Variants in ARHGEF11 observed in about 807,000 individuals in gnomAD.
The protein encoded by ARHGEF11 is Rho guanine nucleotide exchange factor 11.
In ARHGEF11, 55 loss-of-function variants were observed where a neutral mutation model predicts 193.7. That is an observed-to-expected ratio of 0.28 (90% confidence interval 0.23 to 0.36). The LOEUF (loss-of-function observed/expected upper bound fraction) is 0.36. Among genes scored for constraint, ARHGEF11 ranks in the 10% least tolerant of loss-of-function variants. The pLI, the probability that ARHGEF11 is intolerant of heterozygous loss-of-function variation, is 1.00. For missense variants in ARHGEF11, 1,723 were observed against 2,005.6 expected, an observed-to-expected ratio of 0.86 and a Z score of 2.69; for synonymous variants, 693 against 768.0, an observed-to-expected ratio of 0.90 and a Z score of 1.62.
At chr1:157,012,393 A>T (rs1309619002) in intron 1 of ARHGEF11, among the ~76,000 whole-genome samples, 1 of 152,170 alleles carries the variant, frequency 6.6e-6, no homozygotes, top group African/African-American at 2.4e-5. Flanking sequence ...AAAAATTCTA[A>T]AACTAGGATG....
intron 1 of ARHGEF11, among the ~76,000 whole-genome samples, chr1:157,035,882 AATATATATAGGAATATATATATATGAAT>A (rs1557990726): frequency 1.4e-5 from 2 of 139,382 alleles, no homozygotes; most frequent in East Asian, 4.0e-4. Flanking sequence ...TATATATAGG[AATATATATAGGAATATATATATATGAAT>A]CTATATATAG....
At chr1:156,998,159 G>C (rs1243234670) in intron 1 of ARHGEF11, among the ~76,000 whole-genome samples, 1 of 152,174 alleles carries the variant, frequency 6.6e-6, no homozygotes, top group Non-Finnish European at 1.5e-5. Context: ...AGGCACAACT[G>C]TCTCCCAGAA....
chr1:156,943,846 T>C (rs930563849), intron 32 of ARHGEF11, 89 bp downstream of exon 32: 1 of 1,483,672 alleles, frequency 6.7e-7, no homozygotes, highest in Non-Finnish European at 9.1e-7. Context: ...GTAGGTCCTG[T>C]AAAGGCTCCA....
intron 1 of ARHGEF11, among the ~76,000 whole-genome samples, chr1:157,016,103 T>C (rs16837963): frequency 0.028 from 4,282 of 152,154 alleles, 72 homozygotes; most frequent in South Asian, 0.054. Context: ...CAATCACAAA[T>C]AAGACCTAAA....
Position 156,943,289 on chromosome 1 carries a change from G to A in ARHGEF11, c.3236-509C>T, listed in dbSNP as rs571980127. ...TTGGCCAGGCTGGTCTTGAACTCCT[G>A]ACCTCAAGTGATCTGAGTGCCTCGG... On this transcript the variant is annotated intron_variant, in intron 32 of 40. Coordinates refer to ENST00000368194, the MANE Select transcript of ARHGEF11 (RefSeq NM_198236.3). Among the ~76,000 whole-genome samples, 3 of 152,302 alleles carry A rather than the reference G, an allele frequency of 2.0e-5. No homozygotes were observed. In the East Asian group the frequency reaches 5.8e-4, roughly 29 times the overall value.
intron 1 of ARHGEF11, among the ~76,000 whole-genome samples, chr1:157,040,553 G>A (rs1355435469): frequency 6.6e-6 from 1 of 152,158 alleles, no homozygotes; most frequent in East Asian, 1.9e-4. Context: ...AGAGTTCCTG[G>A]GAAGGAGATT....
chr1:157,027,679 T>G (rs1451639616), intron 1 of ARHGEF11, among the ~76,000 whole-genome samples: 1 of 152,210 alleles, frequency 6.6e-6, no homozygotes, highest in African/African-American at 2.4e-5. Flanking sequence ...TTCCCATCCC[T>G]GATGCTCTTT....
rs764464266 is a variant in ARHGEF11, at chr1:156,957,775, A to G, written c.1526+17T>C. The G allele has an allele frequency of 4.4e-5, 71 of 1,613,644 alleles. No homozygotes were observed. Among genetic ancestry groups the G allele is most frequent in the Non-Finnish European group, 5.8e-5 (68 of 1,179,666 alleles). ...TCCACCTTGAAAGCTGCAAATCCAC[A>G]TCATAGACTTGCTTACCTCCTGTCT... On this transcript the variant is annotated intron_variant, in intron 18 of 40. Transcript: ENST00000368194.
chr1:156,946,337 C>T (rs553177486), intron 28 of ARHGEF11, among the ~76,000 whole-genome samples, 175 bp from the exon 29 acceptor site: 2 of 152,252 alleles, frequency 1.3e-5, no homozygotes, highest in African/African-American at 4.8e-5. Context: ...TGTGTGGTGG[C>T]AGGGAGACAC....
In ARHGEF11 at chr1:156,963,531, A is replaced by G. The variant is rs773762989; in HGVS notation, c.1027T>C (p.Phe343Leu). 7 of 1,613,686 alleles carry G rather than the reference A, an allele frequency of 4.3e-6. No individual in the cohort carries two copies. The highest frequency in any genetic ancestry group is 5.9e-6 in the Non-Finnish European group (7 of 1,179,888). Residue 343 changes from phenylalanine to leucine, a missense_variant, in exon 12 of 41, where the codon TTC (phenylalanine) becomes CTC (leucine). By Grantham distance (22) the Phe-to-Leu change is conservative. Transcript: ENST00000368194. ...TAGGAAACCGTTACCTCGTTGTTGA[A>G]ATAACCCGGGTCATAGTCTTCCTCT... ...GPEEDYDPGYFNNESDIIFQD... is the reference protein window; with the variant it reads ...GPEEDYDPGYLNNESDIIFQD...
intron 1 of ARHGEF11, among the ~76,000 whole-genome samples, chr1:157,001,606 T>C (rs192154659): frequency 4.6e-5 from 7 of 152,344 alleles, no homozygotes; most frequent in Admixed American, 3.3e-4. Context: ...AGAATGCCCA[T>C]TGGCTCTGGC....
intron 38 of ARHGEF11, among the ~76,000 whole-genome samples, chr1:156,938,160 C>G (rs893064820): frequency 6.6e-6 from 1 of 152,202 alleles, no homozygotes; most frequent in Non-Finnish European, 1.5e-5. Flanking sequence ...CCCTGCCCCT[C>G]CCACAATTGC....
chr1:157,027,362 A>G (rs976476770), intron 1 of ARHGEF11, among the ~76,000 whole-genome samples: 33 of 152,190 alleles, frequency 2.2e-4, no homozygotes, highest in Non-Finnish European at 4.4e-5. Context: ...AGTCTGGGTG[A>G]CAGAGTGAGA....
intron 22 of ARHGEF11, chr1:156,949,222 C>T: frequency 1.9e-6 from 1 of 515,682 alleles, no homozygotes; most frequent in Non-Finnish European, 2.5e-6. Context: ...GCCTGCCGTG[C>T]TTGGCTACTG....
At position 157,028,311 on chromosome 1, in the gene ARHGEF11, C is replaced by T. The variant is rs762578526; in HGVS notation, c.32+15988G>A. Among the ~76,000 whole-genome samples, 7 of 152,152 alleles carry T rather than the reference C, an allele frequency of 4.6e-5. 1 individual carries two copies. Among genetic ancestry groups the T allele is most frequent in the Non-Finnish European group, 8.8e-5 (6 of 68,022 alleles). ...AATAATAGCTGACATTTATTGAATTCTTAACTACATCAGGTATTTTGCTAA... is the reference window on the plus strand; with the variant it reads ...AATAATAGCTGACATTTATTGAATTTTTAACTACATCAGGTATTTTGCTAA... On this transcript the variant is annotated intron_variant, in intron 1 of 40. Coordinates refer to ENST00000368194, the MANE Select transcript of ARHGEF11 (RefSeq NM_198236.3).
chr1:156,942,162 G>A (rs1239748584), intron 33 of ARHGEF11, among the ~76,000 whole-genome samples, 173 bp from the exon 34 acceptor site: 1 of 152,184 alleles, frequency 6.6e-6, no homozygotes, highest in African/African-American at 2.4e-5. Flanking sequence ...TATATTACTT[G>A]CAGCTACCAA....
chr1:157,030,517 C>A (rs1462513302), intron 1 of ARHGEF11, among the ~76,000 whole-genome samples: 2 of 152,114 alleles, frequency 1.3e-5, no homozygotes, highest in African/African-American at 2.4e-5. Context: ...GGACTTGACT[C>A]CTGATTTACC....
At chr1:156,998,487 G>A (rs947106128) in intron 1 of ARHGEF11, among the ~76,000 whole-genome samples, 1 of 152,154 alleles carries the variant, frequency 6.6e-6, no homozygotes, top group African/African-American at 2.4e-5. Context: ...ACTATTTTCT[G>A]CGAACCTCAG....
At chr1:156,938,711 G>C (rs897791776) in intron 37 of ARHGEF11, 198 bp from the exon 38 acceptor site, 1 of 519,186 alleles carries the variant, frequency 1.9e-6, no homozygotes, top group Admixed American at 3.6e-5. Context: ...CCGAGAGACA[G>C]AGAAGGAAGG....
Sources: allele counts gnomAD v4.1 joint callset (sites outside exome capture counted in the v4.1 genomes callset), GRCh38; gene constraint gnomAD v4.1.1; transcripts MANE v1.5; gene names NCBI Gene and HGNC (gene_info 2026-07-23, HGNC 2026-07-21).